The following MXRA7 variants were observed in gnomAD, a reference collection of about 807,000 sequenced individuals.
MXRA7 encodes the protein matrix-remodeling-associated protein 7.
MXRA7 carries 18 observed loss-of-function variants against 17.4 expected under a neutral mutation model. The observed-to-expected ratio is 1.03, with a 90% CI of 0.71 to 1.53. MXRA7 has a LOEUF of 1.53. MXRA7 is among the 40% of genes most tolerant of loss of function. The pLI is 0.00. For synonymous variants in MXRA7, 70 were observed against 101.7 expected, an observed-to-expected ratio of 0.69 and a Z score of 1.87; for missense variants, 141 against 209.3, an observed-to-expected ratio of 0.67 and a Z score of 2.01.
intron 3 of MXRA7, among the ~76,000 whole-genome samples, chr17:76,683,006 C>T (rs1303411205): frequency 1.3e-5 from 2 of 152,156 alleles, no homozygotes; most frequent in African/African-American, 2.4e-5. Flanking sequence ...GATTTTCCCT[C>T]CCCACTGCCA....
At chr17:76,678,432 C>T (rs780414785), downstream of MXRA7, among the ~76,000 whole-genome samples, 2 of 152,086 alleles carry the variant, frequency 1.3e-5, no homozygotes, top group Admixed American at 6.5e-5. Context: ...CACAGGACAA[C>T]TTCTGCAGCA....
intron 2 of MXRA7, among the ~76,000 whole-genome samples, chr17:76,687,761 A>G (rs2076416255): frequency 6.6e-6 from 1 of 152,248 alleles, no homozygotes; most frequent in South Asian, 2.1e-4. Flanking sequence ...TCGTCTCAGT[A>G]AAATAGGTCA....
intron 1 of MXRA7, among the ~76,000 whole-genome samples, chr17:76,695,929 C>T (rs779556270): frequency 2.6e-5 from 4 of 151,712 alleles, no homozygotes; most frequent in Admixed American, 6.6e-5. Flanking sequence ...CCCCTCTCTA[C>T]TAAAAAAATA....
intron 1 of MXRA7, among the ~76,000 whole-genome samples, chr17:76,708,235 CCCCAGCCCG>C (rs2076683002): frequency 6.6e-6 from 1 of 152,218 alleles, no homozygotes; most frequent in African/African-American, 2.4e-5. Flanking sequence ...GCAGCAGCTG[CCCCAGCCCG>C]CCCAGGCCTC....
At chr17:76,694,813 TG>T (rs2076515708) in intron 1 of MXRA7, among the ~76,000 whole-genome samples, 1 of 152,132 alleles carries the variant, frequency 6.6e-6, no homozygotes, top group Non-Finnish European at 1.5e-5. Flanking sequence ...CTTGAACTCC[TG>T]GGCCCAAGGG....
chr17:76,702,476 C>T (rs1035189399), intron 1 of MXRA7, among the ~76,000 whole-genome samples: 1 of 151,906 alleles, frequency 6.6e-6, no homozygotes, highest in African/African-American at 2.4e-5. Context: ...CCAATGCACC[C>T]CAGCCTGGTT....
At chr17:76,695,891 A>G (rs893916993) in intron 1 of MXRA7, among the ~76,000 whole-genome samples, 1 of 151,962 alleles carries the variant, frequency 6.6e-6, no homozygotes, top group Non-Finnish European at 1.5e-5. Context: ...CCAGGAGTTC[A>G]AGACCAGCTT....
chr17:76,678,945 C>T (rs1248424770), downstream of MXRA7, among the ~76,000 whole-genome samples: 3 of 152,190 alleles, frequency 2.0e-5, no homozygotes, highest in East Asian at 5.8e-4. Context: ...TGTCTACAGT[C>T]GGTTCCCCTG....
At chr17:76,710,479 G>T in intron 1 of MXRA7, 126 bp downstream of exon 1, 3 of 791,174 alleles carry the variant, frequency 3.8e-6, no homozygotes, top group Non-Finnish European at 5.0e-6. Flanking sequence ...CGGGCCGCGG[G>T]TTCTGCGCTT....
At chr17:76,708,194 T>A (rs1164731897) in intron 1 of MXRA7, among the ~76,000 whole-genome samples, 1 of 152,150 alleles carries the variant, frequency 6.6e-6, no homozygotes, top group Non-Finnish European at 1.5e-5. Context: ...GGGCGAGAGA[T>A]CCTTCTCAAT....
At chr17:76,706,922 T>C (rs962002644) in intron 1 of MXRA7, among the ~76,000 whole-genome samples, 1 of 152,166 alleles carries the variant, frequency 6.6e-6, no homozygotes, top group Non-Finnish European at 1.5e-5. Context: ...GCATTCTCTC[T>C]CTATACACAC....
rs181018672 is a variant in MXRA7, at chr17:76,681,027, T to A, written c.501-148A>T. ...AGACTCTGGTTTCTCAAACCACTGC[T>A]GATTTGCTTCTCATCGCTTGCAGCA... On this transcript the variant is annotated intron_variant, in intron 3 of 3. Transcript: ENST00000449428. The surrounding 1 kb of genome is among the most constrained non-coding windows in gnomAD (Gnocchi z 4.7). 10 of 713,262 alleles carry A rather than the reference T, an allele frequency of 1.4e-5. No homozygotes were observed. The highest frequency in any genetic ancestry group is 2.2e-5 in the Non-Finnish European group (9 of 416,136). 44.2% of individuals were successfully genotyped at this position (713,262 alleles called of 1,614,324 possible). A position where few individuals can be genotyped will look rare whatever the true frequency, so the allele number is the denominator to read the frequency against.
At position 76,710,838 on chromosome 17, in the gene MXRA7, G is replaced by A. The variant is rs1000518388; in HGVS notation, c.109C>T (p.Pro37Ser). Residue 37 changes from proline (P) to serine (S), a missense_variant, in exon 1 of 4, where the codon CCT becomes TCT. Pro to Ser is a moderately conservative substitution (Grantham distance 74). This residue lies in a region of MXRA7 where 72 missense variants were observed against 111.9 expected (regional missense o/e 0.64). Transcript: ENST00000449428. ...VRRGAAASPEPARAPPEPAPP... is the reference protein window; with the variant it reads ...VRRGAAASPESARAPPEPAPP... ...GCGGGTTCCGGGGGCGCGCGGGCAG[G>A]CTCCGGGCTCGCGGCCGCCCCACGC... 23 of 964,582 alleles carry A rather than the reference G, an allele frequency of 2.4e-5. No homozygotes were observed. In the African/African-American group the frequency reaches 4.1e-4, roughly 17 times the overall value. 59.8% of individuals were successfully genotyped at this position (964,582 alleles called of 1,614,324 possible). A position where few individuals can be genotyped will look rare whatever the true frequency, so the allele number is the denominator to read the frequency against.
chr17:76,703,561 A>T (rs2076619679), intron 1 of MXRA7: 1 of 152,218 alleles, frequency 6.6e-6, no homozygotes, highest in Admixed American at 6.5e-5. Flanking sequence ...CAGAGGTTGC[A>T]GTGAACTGAG....
intron 1 of MXRA7, among the ~76,000 whole-genome samples, chr17:76,697,247 G>C (rs1340400968): frequency 6.6e-6 from 1 of 152,182 alleles, no homozygotes; most frequent in Non-Finnish European, 1.5e-5. Context: ...TGAGTGCACA[G>C]AGGAAAGACC....
At chr17:76,682,076 G>A (rs975425431) in intron 3 of MXRA7, among the ~76,000 whole-genome samples, 1 of 152,232 alleles carries the variant, frequency 6.6e-6, no homozygotes, top group African/African-American at 2.4e-5. Flanking sequence ...CAGGCGGAAG[G>A]AATTTGATCT....
At chr17:76,699,273 G>C (rs563364546) in intron 1 of MXRA7, among the ~76,000 whole-genome samples, 1 of 152,264 alleles carries the variant, frequency 6.6e-6, no homozygotes, top group Admixed American at 6.5e-5. Flanking sequence ...AGCCTCCTAA[G>C]TAGCTGGGAT....
chr17:76,710,259 A>T (rs4789349), intron 1 of MXRA7, among the ~76,000 whole-genome samples: 124,482 of 151,902 alleles, frequency 0.82, 52,719 homozygotes, highest in Non-Finnish European at 0.92. Flanking sequence ...AGGGGTCAGA[A>T]GTGGGTGAGG....
At position 76,685,225 on chromosome 17, in the gene MXRA7, C is replaced by T. The variant is rs941881986; in HGVS notation, c.407-60G>A. On this transcript the variant is annotated intron_variant, in intron 2 of 3. Coordinates refer to ENST00000449428, the MANE Select transcript of MXRA7 (RefSeq NM_198530.4). ...CTGTAGAGGCTGGCCCCACAAACCCCGGCCCCCTTTCCCTAGGTTTAAAAA... is the reference window on the plus strand; with the variant it reads ...CTGTAGAGGCTGGCCCCACAAACCCTGGCCCCCTTTCCCTAGGTTTAAAAA... The T allele has an allele frequency of 8.4e-5, 107 of 1,278,666 alleles. No homozygotes were observed. In the South Asian group the frequency reaches 1.1e-3, roughly 13 times the overall value. 79.2% of individuals were successfully genotyped at this position (1,278,666 alleles called of 1,614,324 possible).
Sources: allele counts gnomAD v4.1 joint callset (sites outside exome capture counted in the v4.1 genomes callset), GRCh38; gene constraint gnomAD v4.1.1; regional missense constraint gnomAD v4.1.1; non-coding constraint Gnocchi (gnomAD v3.1); transcripts MANE v1.5; gene names NCBI Gene and HGNC (gene_info 2026-07-23, HGNC 2026-07-21).